Variants in DMD observed in about 807,000 individuals in gnomAD.
DMD encodes dystrophin, also known as mutant dystrophin.
Under a neutral mutation model 330.1 loss-of-function variants are expected in DMD, and 63 were observed. That is an observed-to-expected ratio of 0.19 (90% CI 0.16 to 0.24). The LOEUF is 0.24. Among genes scored for constraint, DMD ranks in the 10% least tolerant of loss-of-function variants. The pLI is 1.00. For missense variants in DMD, 3,344 were observed against 2,684.1 expected (o/e 1.25, Z -5.43); for synonymous variants, 1,223 against 959.8 (o/e 1.27, Z -5.07).
intron 55 of DMD, among the ~76,000 whole-genome samples, chrX:31,539,303 C>A (rs1462662597): frequency 8.9e-6 from 1 of 111,878 alleles, no homozygotes; most frequent in Non-Finnish European, 1.9e-5. Flanking sequence ...TCCAGAAAAG[C>A]AATGCAACTT....
chrX:31,700,306 T>C (rs1349819090), intron 52 of DMD, among the ~76,000 whole-genome samples: 2 of 112,236 alleles, frequency 1.8e-5, no homozygotes, highest in African/African-American at 6.5e-5. Flanking sequence ...ATATGGAAGT[T>C]TAAAGATACT....
rs114430015 is a variant in DMD, at chrX:31,260,299, T to G, written c.9286+656A>C. Among the ~76,000 whole-genome samples, 6,841 of 111,909 alleles carry G rather than the reference T, an allele frequency of 0.061. 458 individuals carry two copies. The highest frequency in any genetic ancestry group is 0.2 in the African/African-American group (6,114 of 30,618). ...ATAACTCATTTCAGAATATTCCTTG[T>G]AGATCTAAAACGACAAACCAGACAT... is the stretch of plus-strand genomic sequence containing the variant. On this transcript the variant is annotated intron_variant, in intron 63 of 78. Coordinates refer to ENST00000357033, the MANE Select transcript of DMD (RefSeq NM_004006.3).
chrX:32,846,604 C>A (rs376656105), intron 3 of DMD, among the ~76,000 whole-genome samples: 2 of 109,179 alleles, frequency 1.8e-5, no homozygotes, highest in South Asian at 8.0e-4. Context: ...CCTTATGAAC[C>A]AGAATCTCCA....
chrX:31,149,213 T>C (rs1435535635), intron 74 of DMD, among the ~76,000 whole-genome samples: 3 of 112,338 alleles, frequency 2.7e-5, no homozygotes, highest in African/African-American at 9.7e-5. Context: ...TCATTCATTG[T>C]ATGGTCCATC....
Position 31,465,227 on chromosome X carries a change from T to G in DMD, c.8937+12879A>C, listed in dbSNP as rs747003105. Among the ~76,000 whole-genome samples the G allele has an allele frequency of 3.6e-5, 4 of 111,324 alleles. No individual in the cohort carries two copies. In the East Asian group the frequency reaches 1.1e-3, roughly 31 times the overall value. On this transcript the variant is annotated intron_variant, in intron 59 of 78. Coordinates refer to ENST00000357033, the MANE Select transcript of DMD (RefSeq NM_004006.3). ...ATTTTTTTTTTATTATTATTATACT[T>G]TAAGTTCTGGGATACATGTGCAGAA...
chrX:32,963,561 T>C (rs2091988822), intron 2 of DMD, among the ~76,000 whole-genome samples: 1 of 112,526 alleles, frequency 8.9e-6, no homozygotes, highest in Non-Finnish European at 1.9e-5. Flanking sequence ...AAGTAAGTTG[T>C]CAATAACTAC....
chrX:32,162,820 T>C (rs2096855043), intron 44 of DMD, among the ~76,000 whole-genome samples: 1 of 108,573 alleles, frequency 9.2e-6, no homozygotes, highest in African/African-American at 3.4e-5. Flanking sequence ...CCTCAAGTGT[T>C]CCACCCACCT....
intron 7 of DMD, among the ~76,000 whole-genome samples, chrX:32,791,144 C>A (rs889872058): frequency 4.5e-5 from 5 of 111,739 alleles, no homozygotes; most frequent in Non-Finnish European, 9.4e-5. Context: ...CATCTGCAGG[C>A]CTAGGAACTG....
At chrX:31,542,382 C>T (rs2073884202) in intron 55 of DMD, among the ~76,000 whole-genome samples, 1 of 111,847 alleles carries the variant, frequency 8.9e-6, no homozygotes, top group Non-Finnish European at 1.9e-5. Context: ...AATCTAGAAC[C>T]TCTACCCTTT....
intron 12 of DMD, among the ~76,000 whole-genome samples, chrX:32,596,917 G>A (rs2055619554): frequency 9.0e-6 from 1 of 110,811 alleles, no homozygotes; most frequent in African/African-American, 3.3e-5. Context: ...ATGTCAGTCC[G>A]ATTTATAAAA....
intron 4 of DMD, among the ~76,000 whole-genome samples, chrX:32,834,973 G>A (rs998029383): frequency 5.4e-5 from 6 of 110,705 alleles, no homozygotes; most frequent in African/African-American, 1.3e-4. Context: ...CTTGGGGAGC[G>A]GGGGGTAGTT....
chrX:32,240,252 T>C (rs755609746), intron 43 of DMD, among the ~76,000 whole-genome samples: 12 of 111,967 alleles, frequency 1.1e-4, no homozygotes, highest in Non-Finnish European at 1.7e-4. Flanking sequence ...AGTGTGTTCT[T>C]GCAAAATTTA....
Position 33,042,018 on chromosome X carries a change from C to T in DMD, c.32-21818G>A, listed in dbSNP as rs765361605. Among the ~76,000 whole-genome samples the T allele has an allele frequency of 7.2e-5, 8 of 111,508 alleles. No homozygotes were observed. In the East Asian group the frequency reaches 2.3e-3, roughly 32 times the overall value. ...TACTTATGTGCTCAGGTTTACACAA[C>T]TCTTAGATGTCTCTGACTACAAAGT... On this transcript the variant is annotated intron_variant, in intron 1 of 78. Coordinates refer to ENST00000357033, the MANE Select transcript of DMD (RefSeq NM_004006.3).
At chrX:33,105,948 A>C (rs1189238925) in intron 1 of DMD, among the ~76,000 whole-genome samples, 2 of 110,672 alleles carry the variant, frequency 1.8e-5, no homozygotes, top group Non-Finnish European at 3.8e-5. Flanking sequence ...ATAAGTCACT[A>C]TATGAAAAAG....
At chrX:31,261,809 T>C (rs1001936871) in intron 62 of DMD, 1 of 112,343 alleles carries the variant, frequency 8.9e-6, no homozygotes, top group Non-Finnish European at 1.9e-5. Flanking sequence ...ACATATACTT[T>C]TCCTTACTTT....
intron 52 of DMD, among the ~76,000 whole-genome samples, chrX:31,723,623 A>AACACACAC (rs55718177): frequency 0.044 from 3,424 of 77,587 alleles, 108 homozygotes; most frequent in East Asian, 0.075. Flanking sequence ...TATCCTCCAC[A>AACACACAC]ACACACACAC....
At chrX:31,905,051 A>C (rs1471688905) in intron 47 of DMD, among the ~76,000 whole-genome samples, 1 of 111,689 alleles carries the variant, frequency 9.0e-6, no homozygotes, top group East Asian at 2.8e-4. Flanking sequence ...GCGAATTTTA[A>C]AGTTTCAATG....
rs143755741 is a variant in DMD, at chrX:31,256,058, G to C, written c.9286+4897C>G. Among the ~76,000 whole-genome samples, 832 of 110,076 alleles carry C rather than the reference G, an allele frequency of 7.6e-3. 12 individuals are homozygous for C. Among genetic ancestry groups the C allele is most frequent in the African/African-American group, 0.027 (802 of 30,187 alleles). ...CCCAAAGTGCTGGGATTACAGGCGT[G>C]AGCCACCGTGCCCAGCCCCAATATC... is the stretch of plus-strand genomic sequence containing the variant. On this transcript the variant is annotated intron_variant, in intron 63 of 78. Coordinates refer to ENST00000357033, the MANE Select transcript of DMD (RefSeq NM_004006.3).
At chrX:32,148,002 C>T (rs1429048708) in intron 44 of DMD, among the ~76,000 whole-genome samples, 3 of 107,964 alleles carry the variant, frequency 2.8e-5, no homozygotes, top group Non-Finnish European at 3.8e-5. Flanking sequence ...CTCAGCCTCC[C>T]GAGTAGCTGG....
Sources: allele counts gnomAD v4.1 joint callset (sites outside exome capture counted in the v4.1 genomes callset), GRCh38; gene constraint gnomAD v4.1.1; transcripts MANE v1.5; gene names NCBI Gene and HGNC (gene_info 2026-07-23, HGNC 2026-07-21).